PRRG1: variants seen among roughly 807,000 people sequenced by gnomAD.
The protein encoded by PRRG1 is proline rich and Gla domain 1.
A neutral mutation model predicts 11.8 loss-of-function variants in PRRG1; 5 were observed. That is an observed-to-expected ratio of 0.42 (90% CI 0.22 to 0.89). PRRG1 has a LOEUF of 0.89. Among genes scored for constraint, PRRG1 ranks in the 40% least tolerant of loss-of-function variants. PRRG1 has a pLI of 0.28. For missense variants in PRRG1, 155 were observed against 166.1 expected (o/e 0.93, Z 0.37); for synonymous variants, 66 against 60.4 (o/e 1.09, Z -0.43).
chrX:37,420,785 C>A (rs1434329316), intron 2 of PRRG1, among the ~76,000 whole-genome samples: 1 of 110,712 alleles, frequency 9.0e-6, no homozygotes, highest in Non-Finnish European at 1.9e-5. Flanking sequence ...TCGCTTTAGC[C>A]CAGGAGGCAG....
intron 2 of PRRG1, among the ~76,000 whole-genome samples, chrX:37,421,274 C>G (rs977797041): frequency 5.4e-5 from 6 of 111,385 alleles, no homozygotes; most frequent in African/African-American, 2.0e-4. Context: ...AGAGTATTTC[C>G]TAACCGAATC....
intron 1 of PRRG1, among the ~76,000 whole-genome samples, chrX:37,391,075 A>G (rs1931513621): frequency 8.9e-6 from 1 of 111,764 alleles, no homozygotes; most frequent in Non-Finnish European, 1.9e-5. Context: ...AATCTGTTTG[A>G]TTCCTTTCAG....
intron 2 of PRRG1, among the ~76,000 whole-genome samples, chrX:37,420,307 G>C (rs1183390352): frequency 9.0e-6 from 1 of 111,098 alleles, no homozygotes. Context: ...CAACCACAAG[G>C]CTCCCCCCAT....
intron 1 of PRRG1, among the ~76,000 whole-genome samples, chrX:37,391,469 T>G (rs1556376641): frequency 8.9e-6 from 1 of 111,774 alleles, no homozygotes; most frequent in Non-Finnish European, 1.9e-5. Flanking sequence ...TTGAATTAGG[T>G]AATAAAAGTA....
intron 3 of PRRG1, among the ~76,000 whole-genome samples, chrX:37,434,193 C>T (rs1932860823): frequency 8.9e-6 from 1 of 112,315 alleles, no homozygotes; most frequent in East Asian, 2.8e-4. Flanking sequence ...TAGAAGTCTG[C>T]TTTCAGTAGA....
chrX:37,435,458 A>C (rs1932874936), intron 3 of PRRG1, among the ~76,000 whole-genome samples: 1 of 110,286 alleles, frequency 9.1e-6, no homozygotes, highest in Admixed American at 9.7e-5. Flanking sequence ...CTTGAACTTA[A>C]AGACTAGCTT....
At chrX:37,400,536 A>AC (rs1487548804) in intron 1 of PRRG1, among the ~76,000 whole-genome samples, 1 of 111,668 alleles carries the variant, frequency 9.0e-6, no homozygotes, top group African/African-American at 3.3e-5. Flanking sequence ...AGCAGGAAAG[A>AC]TCCAAAATTG....
intron 2 of PRRG1, among the ~76,000 whole-genome samples, chrX:37,411,587 C>T (rs1286304523): frequency 9.0e-6 from 1 of 111,637 alleles, no homozygotes; most frequent in Non-Finnish European, 1.9e-5. Flanking sequence ...TAGCTACTTT[C>T]CATCTGAATT....
At chrX:37,375,460 A>G (rs1556371845) in intron 1 of PRRG1, among the ~76,000 whole-genome samples, 1 of 112,193 alleles carries the variant, frequency 8.9e-6, no homozygotes, top group East Asian at 2.8e-4. Context: ...AAAAAAAGCA[A>G]TAAAGAATAA....
At chrX:37,381,355 G>A (rs891404384) in intron 1 of PRRG1, among the ~76,000 whole-genome samples, 2 of 111,982 alleles carry the variant, frequency 1.8e-5, no homozygotes, top group Non-Finnish European at 3.8e-5. Flanking sequence ...AGAAATTATG[G>A]CATTAAATGT....
At chrX:37,357,922 G>A (rs1379291511) in intron 1 of PRRG1, among the ~76,000 whole-genome samples, 1 of 112,333 alleles carries the variant, frequency 8.9e-6, no homozygotes, top group Non-Finnish European at 1.9e-5. Flanking sequence ...TGTTGTCAGT[G>A]TTCTGTATTC....
chrX:37,414,096 C>T (rs1163214536), intron 2 of PRRG1, among the ~76,000 whole-genome samples: 1 of 111,692 alleles, frequency 9.0e-6, no homozygotes, highest in Non-Finnish European at 1.9e-5. Flanking sequence ...TGCCGTTAAG[C>T]GACACATGAC....
At chrX:37,355,473 G>A (rs149891722) in intron 1 of PRRG1, among the ~76,000 whole-genome samples, 96 of 111,749 alleles carry the variant, frequency 8.6e-4, no homozygotes, top group Non-Finnish European at 1.6e-3. Context: ...GAAAAAGACT[G>A]GAGTTTGAAG....
At position 37,440,934 on chromosome X, in the gene PRRG1, T is replaced by A. The variant is rs915023772; in HGVS notation, c.172-12202T>A. 23 of 565,828 alleles carry A rather than the reference T, an allele frequency of 4.1e-5. No homozygotes were observed. The African/African-American group carries it at 5.2e-4, about 13-fold the overall frequency. 46.6% of individuals were successfully genotyped at this position (565,828 alleles called of 1,213,427 possible). ...TGCATGCCACCATGCCTGGCTAATT[T>A]AAAAAACAAAATTATGTGCAGACAA... On this transcript the variant is annotated intron_variant, in intron 3 of 3. Transcript: ENST00000378628.
intron 1 of PRRG1, among the ~76,000 whole-genome samples, chrX:37,394,560 A>T (rs782213065): frequency 2.7e-5 from 3 of 112,152 alleles, no homozygotes; most frequent in African/African-American, 9.7e-5. Flanking sequence ...CCATGTGGCT[A>T]AAAAGTAAAG....
intron 2 of PRRG1, among the ~76,000 whole-genome samples, chrX:37,417,000 T>C (rs899924293): frequency 3.6e-5 from 4 of 111,552 alleles, no homozygotes; most frequent in African/African-American, 1.3e-4. Flanking sequence ...AGATAGTTAG[T>C]GTCACTCTGG....
rs782493103 is a variant in PRRG1 at position 37,406,205 on chromosome X, A to G, written c.-41-4A>G. The G allele has an allele frequency of 2.5e-6, 3 of 1,209,544 alleles. No individual in the cohort carries two copies. The highest frequency in any genetic ancestry group is 3.5e-5 in the South Asian group (2 of 56,634). The stretch of plus-strand genomic sequence containing the variant: ...ACTGTGTGTATGTGCTCTGTTTTGT[A>G]CAGGGAATCATCATCCAGGGACGTG... On this transcript the variant is annotated splice_region_variant and splice_polypyrimidine_tract_variant and intron_variant, in intron 1 of 3. Transcript: ENST00000378628.
chrX:37,354,688 C>G (rs370261210), intron 1 of PRRG1, among the ~76,000 whole-genome samples: 1 of 110,930 alleles, frequency 9.0e-6, no homozygotes, highest in African/African-American at 3.3e-5. Flanking sequence ...CCACCACGCC[C>G]GGCCGGTAGT....
At chrX:37,405,367 A>G (rs1355211033) in intron 1 of PRRG1, among the ~76,000 whole-genome samples, 2 of 111,840 alleles carry the variant, frequency 1.8e-5, no homozygotes, top group African/African-American at 6.5e-5. Context: ...CTTAACTTCA[A>G]GTAGGTTATA....
Sources: gnomAD v4.1 joint callset for allele counts (sites outside exome capture counted in the v4.1 genomes callset) on GRCh38, gnomAD v4.1.1 for gene constraint, MANE v1.5 for transcripts, NCBI Gene and HGNC (gene_info 2026-07-23, HGNC 2026-07-21) for gene names.